SPATA6: variants seen among roughly 807,000 people sequenced by gnomAD.
SPATA6 encodes spermatogenesis associated 6.
Under a neutral mutation model 65.3 loss-of-function variants are expected in SPATA6, and 56 were observed. That is an observed-to-expected ratio of 0.86 (90% CI 0.69 to 1.07). SPATA6 has a LOEUF of 1.07. Among genes scored for constraint, SPATA6 ranks in the 50% least tolerant of loss-of-function variants. The pLI, the probability that SPATA6 is intolerant of heterozygous loss-of-function variation, is 0.00. For missense variants in SPATA6, 590 were observed against 594.8 expected (o/e 0.99, Z 0.08); for synonymous variants, 199 against 213.2 (o/e 0.93, Z 0.58).
At chr1:48,306,724 T>C (rs1413862702) in intron 11 of SPATA6, among the ~76,000 whole-genome samples, 1 of 151,942 alleles carries the variant, frequency 6.6e-6, no homozygotes, top group Non-Finnish European at 1.5e-5. Context: ...ATGCACATTG[T>C]GAAGAAAAAT....
At chr1:48,276,632 G>A in the SPATA6 span, among the ~76,000 whole-genome samples, 1 of 152,104 alleles carries the variant, frequency 6.6e-6, no homozygotes, top group African/African-American at 2.4e-5. Flanking sequence ...TTTCCATATA[G>A]TTGTGCATTT....
chr1:48,446,070 A>G (rs930652976), intron 3 of SPATA6, among the ~76,000 whole-genome samples: 1 of 152,226 alleles, frequency 6.6e-6, no homozygotes, highest in African/African-American at 2.4e-5. Flanking sequence ...AAGGAGGAAG[A>G]GACTGTCAAG....
intron 9 of SPATA6, among the ~76,000 whole-genome samples, chr1:48,374,311 TA>T (rs776265583): frequency 8.6e-4 from 119 of 139,154 alleles, no homozygotes; most frequent in Admixed American, 8.6e-4. Context: ...TGTAATTTTA[TA>T]AAAAAAAAAA....
intron 10 of SPATA6, among the ~76,000 whole-genome samples, chr1:48,357,666 T>C (rs1423552485): frequency 6.6e-6 from 1 of 152,156 alleles, no homozygotes; most frequent in Non-Finnish European, 1.5e-5. Context: ...ACAAGTATAC[T>C]GCTTAGTGAC....
intron 11 of SPATA6, among the ~76,000 whole-genome samples, chr1:48,319,700 A>C (rs1289123177): frequency 6.6e-6 from 1 of 152,136 alleles, no homozygotes. Flanking sequence ...TTCACTGCAG[A>C]GCCCTGTTGA....
At chr1:48,425,443 T>C (rs1194498767) in intron 3 of SPATA6, among the ~76,000 whole-genome samples, 1 of 152,204 alleles carries the variant, frequency 6.6e-6, no homozygotes, top group African/African-American at 2.4e-5. Context: ...CAATAGTCAT[T>C]GAAGTGTATT....
intron 1 of SPATA6, among the ~76,000 whole-genome samples, chr1:48,461,252 G>A (rs1379125882): frequency 6.6e-6 from 1 of 152,080 alleles, no homozygotes; most frequent in Non-Finnish European, 1.5e-5. Flanking sequence ...TTTGTCAGAT[G>A]AGTAGGTTGC....
intron 3 of SPATA6, among the ~76,000 whole-genome samples, chr1:48,416,332 G>C (rs1386955802): frequency 2.0e-5 from 3 of 151,576 alleles, no homozygotes; most frequent in Non-Finnish European, 4.4e-5. Context: ...AGAGAGTAGA[G>C]TGAAATATCC....
At chr1:48,342,376 G>T (rs1646242190) in intron 11 of SPATA6, among the ~76,000 whole-genome samples, 2 of 152,096 alleles carry the variant, frequency 1.3e-5, no homozygotes. Flanking sequence ...ATCACTTTGG[G>T]AGGCTGAGGC....
chr1:48,315,260 A>T (rs1645373968), intron 11 of SPATA6, among the ~76,000 whole-genome samples: 1 of 152,202 alleles, frequency 6.6e-6, no homozygotes, highest in Non-Finnish European at 1.5e-5. Context: ...TTAGACCAAT[A>T]TCCCTGATGA....
chr1:48,325,750 G>T (rs1645739853), intron 11 of SPATA6: 1 of 495,768 alleles, frequency 2.0e-6, no homozygotes, highest in East Asian at 4.5e-5. Flanking sequence ...TCTCGCGCAA[G>T]GTGTATGCCC....
At chr1:48,291,691 C>G (rs1485998338), downstream of SPATA6, among the ~76,000 whole-genome samples, 4 of 152,198 alleles carry the variant, frequency 2.6e-5, no homozygotes, top group South Asian at 6.2e-4. Context: ...AGAAAGCAAG[C>G]GGACTCACAG....
chr1:48,359,857 A>T, intron 9 of SPATA6, 87 bp from the exon 10 acceptor site: 1 of 1,028,540 alleles, frequency 9.7e-7, no homozygotes, highest in Non-Finnish European at 1.3e-6. Flanking sequence ...TATGCATAGT[A>T]GTCATATGCA....
At chr1:48,347,058 T>G (rs556995546) in intron 11 of SPATA6, among the ~76,000 whole-genome samples, 1 of 151,952 alleles carries the variant, frequency 6.6e-6, no homozygotes, top group South Asian at 2.1e-4. Flanking sequence ...CTACACAACT[T>G]CAAACTATAC....
At chr1:48,368,750 G>A (rs923465761) in intron 9 of SPATA6, among the ~76,000 whole-genome samples, 1 of 152,032 alleles carries the variant, frequency 6.6e-6, no homozygotes, top group Non-Finnish European at 1.5e-5. Flanking sequence ...ATTTCCTCCT[G>A]TAGCTCGGAG....
Position 48,411,537 on chromosome 1 carries a change from G to A in SPATA6, c.332C>T (p.Pro111Leu), listed in dbSNP as rs769263395. The change falls in exon 5 of 13, where the codon CCG becomes CTG. Residue 111 changes from proline (P) to leucine (L), a missense_variant. Coordinates refer to ENST00000371847, the MANE Select transcript of SPATA6 (RefSeq NM_019073.4). ...GTGTCCAGACATTTGGTTTGGACCC[G>A]GAAACATGAAATCTCGTGTATTTTC... ...YDENTRDFMF[P>L]GPNQMSGHHD... 79 of 1,610,636 alleles carry A rather than the reference G, an allele frequency of 4.9e-5. No homozygotes were observed. The highest frequency in any genetic ancestry group is 6.0e-5 in the Non-Finnish European group (71 of 1,178,492).
At chr1:48,280,372 CA>C in the SPATA6 span, among the ~76,000 whole-genome samples, 3 of 151,912 alleles carry the variant, frequency 2.0e-5, no homozygotes, top group Admixed American at 1.3e-4. Context: ...AAAAACCCTT[CA>C]AAAAATTAGT....
At chr1:48,420,464 A>T (rs938469935) in intron 3 of SPATA6, among the ~76,000 whole-genome samples, 2 of 152,158 alleles carry the variant, frequency 1.3e-5, no homozygotes, top group African/African-American at 4.8e-5. Flanking sequence ...GCTGCAGGAT[A>T]TGAGGGACTA....
intron 1 of SPATA6, among the ~76,000 whole-genome samples, chr1:48,462,212 G>A (rs901375239): frequency 4.0e-5 from 6 of 151,630 alleles, no homozygotes; most frequent in Non-Finnish European, 5.9e-5. Flanking sequence ...GGGGAGCGGG[G>A]AGGGATAGCA....
Sources: allele counts gnomAD v4.1 joint callset (sites outside exome capture counted in the v4.1 genomes callset), GRCh38; gene constraint gnomAD v4.1.1; transcripts MANE v1.5; gene names NCBI Gene and HGNC (gene_info 2026-07-23, HGNC 2026-07-21).